Variants in PGBD5 observed in about 807,000 individuals in gnomAD.
The protein encoded by PGBD5 is piggyBac transposable element derived 5, also known as piggyBac transposable element-derived protein 5.
A neutral mutation model predicts 47.9 loss-of-function variants in PGBD5; 14 were observed. The observed-to-expected ratio is 0.29, with a 90% CI of 0.19 to 0.46. PGBD5 has a LOEUF of 0.46. PGBD5 is among the 20% of genes least tolerant of loss of function. The probability of loss-of-function intolerance (pLI) is 1.00; values close to 1 mark genes in which losing one functional copy is unlikely to be tolerated. For synonymous variants in PGBD5, 316 were observed against 306.3 expected, an observed-to-expected ratio of 1.03 and a Z score of -0.33; for missense variants, 635 against 716.0, an observed-to-expected ratio of 0.89 and a Z score of 1.29.
intron 1 of PGBD5, among the ~76,000 whole-genome samples, chr1:230,385,426 T>C (rs1656614012): frequency 6.6e-6 from 1 of 152,158 alleles, no homozygotes; most frequent in Non-Finnish European, 1.5e-5. Flanking sequence ...CCCTTCCTAA[T>C]GCAGAAAGGT....
intron 1 of PGBD5, among the ~76,000 whole-genome samples, chr1:230,365,728 C>G (rs539665547): frequency 6.6e-6 from 1 of 152,210 alleles, no homozygotes; most frequent in Admixed American, 6.5e-5. Context: ...ACGCTCGGCT[C>G]GAGGGCCCTC....
intron 1 of PGBD5, among the ~76,000 whole-genome samples, chr1:230,393,953 T>C (rs1656857446): frequency 6.6e-6 from 1 of 152,074 alleles, no homozygotes; most frequent in Admixed American, 6.5e-5. Flanking sequence ...TGCCCCGGCC[T>C]GGCATCCTCT....
At chr1:230,339,832 G>A (rs1406382729) in intron 3 of PGBD5, among the ~76,000 whole-genome samples, 1 of 152,174 alleles carries the variant, frequency 6.6e-6, no homozygotes, top group Admixed American at 6.5e-5. Flanking sequence ...GGTGGTTACG[G>A]GGCTGGGGGA....
intron 3 of PGBD5, among the ~76,000 whole-genome samples, chr1:230,348,424 C>T (rs1015955875): frequency 7.9e-5 from 12 of 152,192 alleles, no homozygotes; most frequent in Admixed American, 6.5e-4. Context: ...TCTGTGCTGA[C>T]CAGCTGTCTG....
At chr1:230,371,687 A>C (rs1333212996) in intron 1 of PGBD5, among the ~76,000 whole-genome samples, 1 of 152,200 alleles carries the variant, frequency 6.6e-6, no homozygotes, top group African/African-American at 2.4e-5. Context: ...AGTGAAGGGA[A>C]CACTGACCTT....
chr1:230,379,092 C>T (rs886423409), intron 1 of PGBD5, among the ~76,000 whole-genome samples: 19 of 152,152 alleles, frequency 1.2e-4, no homozygotes, highest in African/African-American at 4.1e-4. Flanking sequence ...ACATGACTTC[C>T]GATTCTTACT....
intron 1 of PGBD5, among the ~76,000 whole-genome samples, chr1:230,420,314 T>C (rs56207329): frequency 8.7e-4 from 132 of 152,336 alleles, no homozygotes; most frequent in African/African-American, 3.1e-3. Context: ...AATATATTAA[T>C]AACAATTAAA....
At chr1:230,327,056 C>T (rs953591271) in intron 5 of PGBD5, among the ~76,000 whole-genome samples, 2 of 151,576 alleles carry the variant, frequency 1.3e-5, no homozygotes, top group African/African-American at 4.8e-5. Flanking sequence ...CCAGGCCTGC[C>T]CTATGCGCCA....
intron 1 of PGBD5, chr1:230,377,737 A>C (rs938682864): frequency 1.9e-5 from 27 of 1,406,176 alleles, no homozygotes; most frequent in Non-Finnish European, 2.5e-5. Context: ...CATTGTGAGA[A>C]TAAAATGAAA....
chr1:230,420,464 A>ATC (rs1657622415), intron 1 of PGBD5, among the ~76,000 whole-genome samples: 1 of 152,194 alleles, frequency 6.6e-6, no homozygotes, highest in Non-Finnish European at 1.5e-5. Context: ...CCCCACCCAA[A>ATC]TCTCACCTTG....
intron 1 of PGBD5, among the ~76,000 whole-genome samples, chr1:230,416,739 G>A (rs756318584): frequency 3.3e-5 from 5 of 152,216 alleles, no homozygotes; most frequent in Admixed American, 6.5e-5. Flanking sequence ...CTAGAGACCC[G>A]GAGGCCATGC....
chr1:230,321,506 G>A lies in PGBD5; in HGVS notation c.*1919C>T, dbSNP rs911973493. ...TTTTGTAGAAATGGGCTTTCGCCAT[G>A]TTGCCAATGCTGGTCTCAAACTCCT... On this transcript the variant is annotated 3_prime_UTR_variant, in exon 7 of 7. Coordinates refer to ENST00000391860, the MANE Select transcript of PGBD5 (RefSeq NM_001258311.2). The A allele has an allele frequency of 6.6e-6, 1 of 152,238 alleles. No homozygotes were observed. 9.4% of individuals were successfully genotyped at this position (152,238 alleles called of 1,614,324 possible).
At chr1:230,346,091 G>A (rs755253206) in intron 3 of PGBD5, among the ~76,000 whole-genome samples, 2 of 152,140 alleles carry the variant, frequency 1.3e-5, no homozygotes, top group Non-Finnish European at 2.9e-5. Context: ...ACCCAGGCTG[G>A]AGTGAAGTGG....
At chr1:230,339,268 G>A (rs1667374404) in intron 3 of PGBD5, among the ~76,000 whole-genome samples, 1 of 152,210 alleles carries the variant, frequency 6.6e-6, no homozygotes, top group African/African-American at 2.4e-5. Context: ...CTGATTCAAT[G>A]TACTTTCCTG....
In PGBD5 at chr1:230,368,867, T is replaced by A. The variant is rs552206149; in HGVS notation, c.332-11546A>T. Reference sequence around the variant, plus strand: ...GGCCCAGGCCTCTTGATCCCCAAGATCTTGGAATGTAGGCCTTTGTTCTTA... The same window carrying A: ...GGCCCAGGCCTCTTGATCCCCAAGAACTTGGAATGTAGGCCTTTGTTCTTA... On this transcript the variant is annotated intron_variant, in intron 1 of 6. Transcript: ENST00000391860. Among the ~76,000 whole-genome samples, 206 of 152,340 alleles carry A rather than the reference T, an allele frequency of 1.4e-3. 1 individual carries two copies. Among genetic ancestry groups the A allele is most frequent in the Middle Eastern group, 3.4e-3 (1 of 294 alleles).
chr1:230,392,097 A>G (rs1377282745), intron 1 of PGBD5, among the ~76,000 whole-genome samples: 1 of 152,198 alleles, frequency 6.6e-6, no homozygotes, highest in African/African-American at 2.4e-5. Context: ...CGAAAATCCT[A>G]CTTGCTTTGA....
chr1:230,331,707 C>T (rs1429267175), intron 5 of PGBD5, among the ~76,000 whole-genome samples: 1 of 151,002 alleles, frequency 6.6e-6, no homozygotes, highest in Non-Finnish European at 1.5e-5. Context: ...GTTGCCCAGG[C>T]TGGTCTTGAA....
intron 3 of PGBD5, among the ~76,000 whole-genome samples, chr1:230,346,536 C>T (rs1319836173): frequency 6.6e-6 from 1 of 152,124 alleles, no homozygotes; most frequent in Non-Finnish European, 1.5e-5. Flanking sequence ...TCATCTATAC[C>T]CAGCATTCTG....
chr1:230,398,361 T>C (rs1232416920), intron 1 of PGBD5, among the ~76,000 whole-genome samples: 1 of 151,756 alleles, frequency 6.6e-6, no homozygotes, highest in Non-Finnish European at 1.5e-5. Flanking sequence ...GCGGTCTCCA[T>C]GTCTTCGCAT....
Sources: gnomAD v4.1 joint callset for allele counts (sites outside exome capture counted in the v4.1 genomes callset) on GRCh38, gnomAD v4.1.1 for gene constraint, MANE v1.5 for transcripts, NCBI Gene and HGNC (gene_info 2026-07-23, HGNC 2026-07-21) for gene names.